ADAMTS3: variants seen among roughly 807,000 people sequenced by gnomAD.
ADAMTS3 encodes A disintegrin and metalloproteinase with thrombospondin motifs 3.
Under a neutral mutation model 129.0 loss-of-function variants are expected in ADAMTS3, and 73 were observed. That is an observed-to-expected ratio of 0.57 (90% CI 0.47 to 0.69). The LOEUF is 0.69. Among genes scored for constraint, ADAMTS3 ranks in the 30% least tolerant of loss-of-function variants. The pLI is 0.00. For synonymous variants in ADAMTS3, 477 were observed against 510.8 expected (o/e 0.93, Z 0.89); for missense variants, 1,457 against 1,514.5 (o/e 0.96, Z 0.63).
intron 4 of ADAMTS3, among the ~76,000 whole-genome samples, chr4:72,378,864 G>C (rs1721204320): frequency 6.6e-6 from 1 of 152,148 alleles, no homozygotes. Context: ...CATGCTGAGA[G>C]GGGTTTTCTC....
chr4:72,547,251 A>G (rs1020266794), intron 3 of ADAMTS3, among the ~76,000 whole-genome samples: 5 of 152,206 alleles, frequency 3.3e-5, no homozygotes, highest in African/African-American at 1.2e-4. Flanking sequence ...GTAAAGGATT[A>G]ACAGTCACTC....
intron 3 of ADAMTS3, among the ~76,000 whole-genome samples, chr4:72,506,917 G>T (rs1720174464): frequency 6.6e-6 from 1 of 152,160 alleles, no homozygotes; most frequent in Non-Finnish European, 1.5e-5. Flanking sequence ...TGGTCTTTAT[G>T]CACTATCTTG....
chr4:72,486,715 A>C (rs1719600424), intron 3 of ADAMTS3, among the ~76,000 whole-genome samples: 2 of 152,140 alleles, frequency 1.3e-5, no homozygotes, highest in African/African-American at 4.8e-5. Flanking sequence ...TAAGAACAAA[A>C]AGTGCCAAGT....
intron 4 of ADAMTS3, among the ~76,000 whole-genome samples, chr4:72,372,648 T>C (rs1366684241): frequency 6.6e-6 from 1 of 152,016 alleles, no homozygotes; most frequent in South Asian, 2.1e-4. Flanking sequence ...ATAAAGTCAC[T>C]ATAAAAATTT....
At chr4:72,498,950 T>C (rs1369445217) in intron 3 of ADAMTS3, among the ~76,000 whole-genome samples, 2 of 152,134 alleles carry the variant, frequency 1.3e-5, no homozygotes, top group Admixed American at 1.3e-4. Flanking sequence ...AAATCACCTA[T>C]AACAGGGTTG....
intron 4 of ADAMTS3, among the ~76,000 whole-genome samples, chr4:72,394,739 T>C (rs928536303): frequency 6.6e-6 from 1 of 152,164 alleles, no homozygotes; most frequent in Non-Finnish European, 1.5e-5. Context: ...AACTAGTAAA[T>C]ACCACTACAC....
chr4:72,310,982 T>C lies in ADAMTS3; in HGVS notation c.2055+66A>G, dbSNP rs572298223. 7.1e-4 allele frequency: 991 copies of C among 1,394,596 alleles called. 20 individuals are homozygous for C. In the South Asian group the frequency reaches 0.016, roughly 22 times the overall value. 86.4% of individuals were successfully genotyped at this position (1,394,596 alleles called of 1,614,324 possible). ...ATAAAATAGTTTAAAAAATTAAAAATGTGCAGATGAATGACAGTAAACGTA... is the reference window on the plus strand; with the variant it reads ...ATAAAATAGTTTAAAAAATTAAAAACGTGCAGATGAATGACAGTAAACGTA... On this transcript the variant is annotated intron_variant, in intron 14 of 21. Transcript: ENST00000286657.
chr4:72,373,717 G>A (rs936685469), intron 4 of ADAMTS3, among the ~76,000 whole-genome samples: 1 of 151,804 alleles, frequency 6.6e-6, no homozygotes, highest in Non-Finnish European at 1.5e-5. Flanking sequence ...TGGGTAACAT[G>A]GTGAAACCCC....
At chr4:72,361,203 C>A (rs988774326) in intron 4 of ADAMTS3, among the ~76,000 whole-genome samples, 2 of 152,112 alleles carry the variant, frequency 1.3e-5, no homozygotes, top group African/African-American at 4.8e-5. Flanking sequence ...TTTTAACCTT[C>A]AATTCCCCTT....
At chr4:72,394,010 T>G (rs1721665431) in intron 4 of ADAMTS3, among the ~76,000 whole-genome samples, 1 of 152,232 alleles carries the variant, frequency 6.6e-6, no homozygotes. Flanking sequence ...CTTTTCTTTT[T>G]CCACACTGAT....
chr4:72,454,284 G>C (rs1718486049), intron 3 of ADAMTS3, among the ~76,000 whole-genome samples: 1 of 151,526 alleles, frequency 6.6e-6, no homozygotes, highest in African/African-American at 2.4e-5. Context: ...AGATAAGTTA[G>C]TTGTAAAATA....
chr4:72,429,811 G>C (rs1348222089), intron 3 of ADAMTS3, among the ~76,000 whole-genome samples: 1 of 151,978 alleles, frequency 6.6e-6, no homozygotes, highest in East Asian at 1.9e-4. Context: ...TTCGGCGCTT[G>C]CTATTTTCCT....
intron 16 of ADAMTS3, 122 bp from the exon 17 acceptor site, chr4:72,304,202 A>G (rs1719027569): frequency 1.1e-6 from 1 of 949,700 alleles, no homozygotes; most frequent in Admixed American, 2.5e-5. Context: ...AGTAGCAAGG[A>G]ATCAAAATGG....
chr4:72,566,760 C>A (rs1430028451), intron 2 of ADAMTS3, among the ~76,000 whole-genome samples: 2 of 149,920 alleles, frequency 1.3e-5, no homozygotes, highest in African/African-American at 2.5e-5. Flanking sequence ...GTCACTTACA[C>A]TCTCTGAATC....
chr4:72,548,220 A>C (rs945791971), intron 3 of ADAMTS3, among the ~76,000 whole-genome samples: 1 of 151,398 alleles, frequency 6.6e-6, no homozygotes, highest in African/African-American at 2.4e-5. Context: ...AAACATTAAC[A>C]AAAAAAAATG....
rs374319466 is a variant in ADAMTS3 at position 72,458,169 on chromosome 4, A to G, written c.505-43198T>C. Among the ~76,000 whole-genome samples, 8 of 151,708 alleles carry G rather than the reference A, an allele frequency of 5.3e-5. No individual in the cohort carries two copies. In the South Asian group the frequency reaches 6.2e-4, roughly 12 times the overall value. ...ATTCCTGTTTTACTGTTAGGAAGGA[A>G]GACAGAACTCTAGGACCATATTTTA... is the stretch of plus-strand genomic sequence containing the variant. On this transcript the variant is annotated intron_variant, in intron 3 of 21. Transcript: ENST00000286657.
At chr4:72,395,405 G>A (rs1578642241) in intron 4 of ADAMTS3, among the ~76,000 whole-genome samples, 1 of 152,110 alleles carries the variant, frequency 6.6e-6, no homozygotes, top group East Asian at 1.9e-4. Context: ...AAAAAAATAA[G>A]TGTTTAGGCA....
chr4:72,384,977 G>C (rs1056327813), intron 4 of ADAMTS3, among the ~76,000 whole-genome samples: 1 of 151,994 alleles, frequency 6.6e-6, no homozygotes, highest in Non-Finnish European at 1.5e-5. Context: ...GACCATCCTG[G>C]CTAACACCCT....
At chr4:72,459,097 T>C (rs1330168931) in intron 3 of ADAMTS3, among the ~76,000 whole-genome samples, 1 of 151,706 alleles carries the variant, frequency 6.6e-6, no homozygotes, top group Non-Finnish European at 1.5e-5. Flanking sequence ...AAATATTAGA[T>C]AAAGATATCA....
Sources: allele counts gnomAD v4.1 joint callset (sites outside exome capture counted in the v4.1 genomes callset), GRCh38; gene constraint gnomAD v4.1.1; transcripts MANE v1.5; gene names NCBI Gene and HGNC (gene_info 2026-07-23, HGNC 2026-07-21).